Variants in MEGF11 observed in about 807,000 individuals in gnomAD.
The protein encoded by MEGF11 is multiple epidermal growth factor-like domains protein 11.
In MEGF11, 126 loss-of-function variants were observed where a neutral mutation model predicts 146.6. That is an observed-to-expected ratio of 0.86 (90% confidence interval 0.74 to 1.00). The LOEUF (loss-of-function observed/expected upper bound fraction) is 1.00, where lower values mean the gene tolerates loss of function less well. Ranked by LOEUF, MEGF11 falls within the 50% of genes least tolerant of loss-of-function variation. MEGF11 has a pLI of 0.00. For missense variants in MEGF11, 1,509 were observed against 1,521.2 expected (o/e 0.99, Z 0.13); for synonymous variants, 532 against 583.4 (o/e 0.91, Z 1.27).
intron 5 of MEGF11, among the ~76,000 whole-genome samples, chr15:66,089,733 C>T (rs745924762): frequency 3.9e-5 from 6 of 152,110 alleles, no homozygotes; most frequent in Admixed American, 6.5e-5. Flanking sequence ...TTTCCCAGTG[C>T]GGAAATAAAA....
intron 1 of MEGF11, among the ~76,000 whole-genome samples, chr15:66,240,658 A>G (rs1206122929): frequency 6.6e-6 from 1 of 151,940 alleles, no homozygotes; most frequent in South Asian, 2.1e-4. Flanking sequence ...TACTGTTATC[A>G]CTCTCCTCTT....
intron 1 of MEGF11, among the ~76,000 whole-genome samples, chr15:66,214,094 G>A (rs1362927704): frequency 2.0e-5 from 3 of 147,500 alleles, no homozygotes; most frequent in African/African-American, 7.5e-5. Flanking sequence ...GGAGTGCAGT[G>A]GCACAATCTT....
chr15:66,157,497 G>A (rs552502598), intron 1 of MEGF11, among the ~76,000 whole-genome samples: 6 of 152,264 alleles, frequency 3.9e-5, no homozygotes, highest in African/African-American at 1.4e-4. Flanking sequence ...GTGGAGAGAA[G>A]GGCACCTACT....
At position 65,982,606 on chromosome 15, in the gene MEGF11, G is replaced by A; in HGVS notation, c.395-118C>T. On this transcript the variant is annotated intron_variant, in intron 5 of 25. Coordinates refer to ENST00000395614, the MANE Select transcript of MEGF11 (RefSeq NM_001385028.1). The surrounding 1 kb of genome is among the most constrained non-coding windows in gnomAD (Gnocchi z 5.6). ...TTGCAGCGCTGCTCCCCGGACAGGTGGCAGCAAGGGGTGCCTGGAAGCTTT... is the reference window on the plus strand; with the variant it reads ...TTGCAGCGCTGCTCCCCGGACAGGTAGCAGCAAGGGGTGCCTGGAAGCTTT... The A allele has an allele frequency of 8.2e-7, 1 of 1,225,078 alleles. No individual in the cohort carries two copies. Among genetic ancestry groups the A allele is most frequent in the Non-Finnish European group, 1.1e-6 (1 of 930,362 alleles). The allele number at this position is 1,225,078 out of a possible 1,614,324, so 75.9% of individuals were successfully genotyped here.
chr15:65,975,485 A>G (rs1397715679), intron 7 of MEGF11, among the ~76,000 whole-genome samples: 4 of 152,176 alleles, frequency 2.6e-5, no homozygotes, highest in Non-Finnish European at 5.9e-5. Context: ...GCAGGCATCC[A>G]AGCCCGCCGA....
intron 22 of MEGF11, among the ~76,000 whole-genome samples, chr15:65,909,454 G>T (rs1319222733): frequency 1.3e-5 from 2 of 152,034 alleles, no homozygotes; most frequent in Admixed American, 6.5e-5. Flanking sequence ...TCAAGCAGAG[G>T]TTCCTATCCA....
chr15:66,115,188 T>C lies in MEGF11; in HGVS notation c.301+3898A>G, dbSNP rs1488224240. Among the ~76,000 whole-genome samples, 4 of 152,338 alleles carry C rather than the reference T, an allele frequency of 2.6e-5. No individual in the cohort carries two copies. The South Asian group carries it at 8.3e-4, about 32-fold the overall frequency. On this transcript the variant is annotated intron_variant, in intron 4 of 25. Coordinates refer to ENST00000395614, the MANE Select transcript of MEGF11 (RefSeq NM_001385028.1). ...TTCTTGTGCAGGATCCAGAGAACTC[T>C]TGGCATCCGATGGGTTCTCACCAGG...
At chr15:66,226,331 T>C (rs2091851945) in intron 1 of MEGF11, among the ~76,000 whole-genome samples, 1 of 151,610 alleles carries the variant, frequency 6.6e-6, no homozygotes. Flanking sequence ...CACTGCAACC[T>C]CCACCTCCCC....
chr15:66,093,388 A>G (rs1275772349), intron 5 of MEGF11, among the ~76,000 whole-genome samples: 1 of 152,192 alleles, frequency 6.6e-6, no homozygotes, highest in Non-Finnish European at 1.5e-5. Context: ...TGGACCCAAC[A>G]TTCTCCTAAG....
intron 10 of MEGF11, among the ~76,000 whole-genome samples, chr15:65,934,705 A>T (rs1445706921): frequency 6.6e-6 from 1 of 152,214 alleles, no homozygotes; most frequent in East Asian, 1.9e-4. Context: ...GTTTAAGTTG[A>T]TCACCAAAGG....
chr15:66,021,707 A>G (rs573375698), intron 5 of MEGF11, among the ~76,000 whole-genome samples: 1 of 152,294 alleles, frequency 6.6e-6, no homozygotes, highest in Admixed American at 6.5e-5. Flanking sequence ...CTGCCCTTCC[A>G]TGCTGGTTTG....
chr15:66,223,015 T>C (rs1018366967), intron 1 of MEGF11, among the ~76,000 whole-genome samples: 1 of 152,186 alleles, frequency 6.6e-6, no homozygotes, highest in African/African-American at 2.4e-5. Flanking sequence ...AGAAAATACG[T>C]GTCCCTGCAA....
chr15:66,104,535 T>C (rs4776727), intron 4 of MEGF11, among the ~76,000 whole-genome samples: 124,841 of 152,238 alleles, frequency 0.82, 51,474 homozygotes, highest in East Asian at 0.89. Context: ...TTAAGAATGG[T>C]AATTGCATTT....
At chr15:66,051,485 C>A (rs1419183765) in intron 5 of MEGF11, among the ~76,000 whole-genome samples, 1 of 152,186 alleles carries the variant, frequency 6.6e-6, no homozygotes, top group Non-Finnish European at 1.5e-5. Context: ...CAACTCCATC[C>A]AGGGAAGAAA....
At chr15:65,910,880 T>C (rs55730328) in intron 21 of MEGF11, among the ~76,000 whole-genome samples, 48,327 of 152,034 alleles carry the variant, frequency 0.32, 8,403 homozygotes, top group East Asian at 0.67. Context: ...ACCATGGCCC[T>C]GCTCCCCACT....
intron 5 of MEGF11, among the ~76,000 whole-genome samples, chr15:66,050,102 C>G (rs1199929851): frequency 1.3e-5 from 2 of 152,102 alleles, no homozygotes; most frequent in Non-Finnish European, 2.9e-5. Flanking sequence ...CTGTGTTGCC[C>G]AGGCTAAACT....
chr15:66,040,852 G>C (rs1436900124), intron 5 of MEGF11, among the ~76,000 whole-genome samples: 1 of 152,088 alleles, frequency 6.6e-6, no homozygotes, highest in Non-Finnish European at 1.5e-5. Context: ...AGGGGAAAAT[G>C]GGGCTGAAAT....
At chr15:65,994,561 C>T (rs943016566) in intron 5 of MEGF11, among the ~76,000 whole-genome samples, 2 of 152,210 alleles carry the variant, frequency 1.3e-5, no homozygotes, top group African/African-American at 4.8e-5. Flanking sequence ...ACTCCAGCAG[C>T]TTATCTGTGG....
chr15:66,048,956 C>G (rs1377775416), intron 5 of MEGF11, among the ~76,000 whole-genome samples: 1 of 152,170 alleles, frequency 6.6e-6, no homozygotes, highest in Non-Finnish European at 1.5e-5. Context: ...GGTTAAATGA[C>G]CTTCAGCCCA....
Sources: allele counts gnomAD v4.1 joint callset (sites outside exome capture counted in the v4.1 genomes callset), GRCh38; gene constraint gnomAD v4.1.1; non-coding constraint Gnocchi (gnomAD v3.1); transcripts MANE v1.5; gene names NCBI Gene and HGNC (gene_info 2026-07-23, HGNC 2026-07-21).